The following PTPRT variants were observed in gnomAD, a reference collection of about 807,000 sequenced individuals.
PTPRT encodes protein tyrosine phosphatase receptor type T.
In PTPRT, 56 loss-of-function variants were observed where a neutral mutation model predicts 176.8. The ratio of observed to expected loss-of-function variants is 0.32; its 90% CI spans 0.26 to 0.40. The LOEUF is 0.40. Ranked by LOEUF, PTPRT falls within the 10% of genes least tolerant of loss-of-function variation. The probability of loss-of-function intolerance (pLI) is 1.00; values close to 1 mark genes in which losing one functional copy is unlikely to be tolerated. For missense variants in PTPRT, 1,540 were observed against 1,908.2 expected (o/e 0.81, Z 3.60); for synonymous variants, 783 against 739.0 (o/e 1.06, Z -0.96).
chr20:42,224,859 C>T (rs771063424), intron 15 of PTPRT, among the ~76,000 whole-genome samples: 1 of 152,144 alleles, frequency 6.6e-6, no homozygotes, highest in African/African-American at 2.4e-5. Context: ...ATTCTGACAA[C>T]CTTGCCTTTT....
intron 1 of PTPRT, among the ~76,000 whole-genome samples, chr20:43,015,722 G>A (rs1483985040): frequency 1.3e-5 from 2 of 152,076 alleles, no homozygotes; most frequent in Non-Finnish European, 2.9e-5. Flanking sequence ...CCTTACAAAT[G>A]ACTCTGGGCA....
intron 1 of PTPRT, among the ~76,000 whole-genome samples, chr20:43,097,829 G>A (rs1288643547): frequency 6.6e-6 from 1 of 152,198 alleles, no homozygotes; most frequent in Non-Finnish European, 1.5e-5. Context: ...AGAGGAAACA[G>A]CACAGGGGTC....
At chr20:42,285,672 G>A (rs2057217285) in intron 12 of PTPRT, among the ~76,000 whole-genome samples, 1 of 151,726 alleles carries the variant, frequency 6.6e-6, no homozygotes. Context: ...ACACAGCACT[G>A]CAAGTCCTAG....
chr20:42,243,452 C>T (rs1010211470), intron 14 of PTPRT, among the ~76,000 whole-genome samples: 22 of 152,132 alleles, frequency 1.4e-4, no homozygotes, highest in Non-Finnish European at 2.9e-4. Flanking sequence ...GGGCAGGAGG[C>T]TGGTGGAAAG....
intron 1 of PTPRT, among the ~76,000 whole-genome samples, chr20:43,131,955 GA>G (rs890958410): frequency 6.6e-6 from 1 of 150,702 alleles, no homozygotes; most frequent in Non-Finnish European, 1.5e-5. Context: ...GAGCTAATAA[GA>G]AAAAAAACAC....
At chr20:42,926,290 G>A (rs1979482062) in intron 1 of PTPRT, among the ~76,000 whole-genome samples, 1 of 152,136 alleles carries the variant, frequency 6.6e-6, no homozygotes, top group Non-Finnish European at 1.5e-5. Flanking sequence ...TCTCCATCCT[G>A]GACTACCCCA....
intron 1 of PTPRT, among the ~76,000 whole-genome samples, chr20:43,136,160 C>T (rs1207864279): frequency 6.6e-6 from 1 of 152,172 alleles, no homozygotes; most frequent in African/African-American, 2.4e-5. Flanking sequence ...GGCTTTAGCA[C>T]AAGTAATTAA....
At chr20:42,995,640 GTCT>G (rs1176198623) in intron 1 of PTPRT, among the ~76,000 whole-genome samples, 5 of 152,138 alleles carry the variant, frequency 3.3e-5, no homozygotes, top group Non-Finnish European at 5.9e-5. Flanking sequence ...AGGAAGGACT[GTCT>G]TCTTCTTCCC....
At chr20:42,825,087 T>C (rs1455356133) in intron 2 of PTPRT, among the ~76,000 whole-genome samples, 2 of 152,036 alleles carry the variant, frequency 1.3e-5, no homozygotes, top group African/African-American at 4.8e-5. Flanking sequence ...AAATAGTAAA[T>C]GAGTAATTAC....
At chr20:42,794,064 A>T (rs11696719) in intron 2 of PTPRT, among the ~76,000 whole-genome samples, 12,632 of 152,214 alleles carry the variant, frequency 0.083, 562 homozygotes, top group South Asian at 0.2. Context: ...CCACCAGTTC[A>T]TGATCCCACT....
At chr20:42,370,104 G>A (rs1324099211) in intron 9 of PTPRT, among the ~76,000 whole-genome samples, 2 of 152,090 alleles carry the variant, frequency 1.3e-5, no homozygotes, top group African/African-American at 4.8e-5. Context: ...CATCCAAAGT[G>A]CAGACTCCAA....
intron 8 of PTPRT, among the ~76,000 whole-genome samples, chr20:42,470,343 G>A (rs1416567090): frequency 1.3e-5 from 2 of 152,294 alleles, no homozygotes; most frequent in East Asian, 3.9e-4. Flanking sequence ...ACCCTGAACA[G>A]TTCCCTGAAG....
intron 2 of PTPRT, among the ~76,000 whole-genome samples, chr20:42,876,733 T>A (rs62203998): frequency 1.7e-3 from 253 of 152,330 alleles, no homozygotes; most frequent in Non-Finnish European, 2.8e-3. Context: ...ATAATTCAGT[T>A]ATTTTTAAAT....
intron 15 of PTPRT, among the ~76,000 whole-genome samples, chr20:42,204,460 G>A (rs760193943): frequency 1.3e-5 from 2 of 152,094 alleles, no homozygotes; most frequent in Non-Finnish European, 2.9e-5. Flanking sequence ...ACACAATTTC[G>A]CCAGCAGGGG....
intron 2 of PTPRT, among the ~76,000 whole-genome samples, chr20:42,806,030 G>A (rs1600765348): frequency 6.9e-6 from 1 of 145,574 alleles, no homozygotes. Context: ...TAATCTTACA[G>A]CCTTGTTCTT....
At chr20:42,368,233 A>T (rs1241700226) in intron 9 of PTPRT, among the ~76,000 whole-genome samples, 1 of 152,160 alleles carries the variant, frequency 6.6e-6, no homozygotes, top group Admixed American at 6.5e-5. Flanking sequence ...GGCAGGAAAA[A>T]TGAACACAAA....
chr20:42,561,693 C>T (rs913565890), intron 7 of PTPRT, among the ~76,000 whole-genome samples: 3 of 152,188 alleles, frequency 2.0e-5, no homozygotes, highest in African/African-American at 7.2e-5. Flanking sequence ...CTTTGCCAAG[C>T]TAGATGTGCT....
intron 6 of PTPRT, among the ~76,000 whole-genome samples, chr20:42,738,086 C>A (rs1374769450): frequency 6.6e-6 from 1 of 152,112 alleles, no homozygotes; most frequent in African/African-American, 2.4e-5. Flanking sequence ...TAGGTGCATG[C>A]CCCGGGTCCA....
the PTPRT span, among the ~76,000 whole-genome samples, chr20:42,052,044 A>T: frequency 6.6e-6 from 1 of 152,196 alleles, no homozygotes; most frequent in Admixed American, 6.5e-5. Context: ...AAGTAACGCA[A>T]ATCTGCTTAG....
Sources: allele counts gnomAD v4.1 joint callset (sites outside exome capture counted in the v4.1 genomes callset), GRCh38; gene constraint gnomAD v4.1.1; transcripts MANE v1.5; gene names NCBI Gene and HGNC (gene_info 2026-07-23, HGNC 2026-07-21).